The following DSCAM variants were observed in gnomAD, a reference collection of about 807,000 sequenced individuals.
DSCAM encodes the protein cell adhesion molecule DSCAM.
In DSCAM, 47 loss-of-function variants were observed where a neutral mutation model predicts 217.7. The observed-to-expected ratio is 0.22, with a 90% CI of 0.17 to 0.28. The LOEUF (loss-of-function observed/expected upper bound fraction) is 0.28, where lower values mean the gene tolerates loss of function less well. DSCAM is among the 10% of genes least tolerant of loss of function. DSCAM has a pLI of 1.00. For synonymous variants in DSCAM, 1,056 were observed against 1,015.3 expected (o/e 1.04, Z -0.76); for missense variants, 2,080 against 2,618.3 (o/e 0.79, Z 4.49).
At chr21:40,706,075 G>T (rs1478239076) in intron 2 of DSCAM, among the ~76,000 whole-genome samples, 7 of 152,016 alleles carry the variant, frequency 4.6e-5, no homozygotes, top group Admixed American at 2.0e-4. Context: ...CAGCTACTCT[G>T]GAGGCTGGGC....
chr21:40,451,770 A>C (rs1435522824), intron 3 of DSCAM, among the ~76,000 whole-genome samples: 1 of 152,204 alleles, frequency 6.6e-6, no homozygotes, highest in Non-Finnish European at 1.5e-5. Flanking sequence ...TGGATTATTA[A>C]CATCAATGCA....
chr21:40,218,478 C>CT (rs756772959), intron 11 of DSCAM, among the ~76,000 whole-genome samples: 2 of 151,980 alleles, frequency 1.3e-5, no homozygotes, highest in African/African-American at 4.8e-5. Flanking sequence ...CTTTCAGGCC[C>CT]TTTTTTTGGT....
intron 10 of DSCAM, among the ~76,000 whole-genome samples, chr21:40,292,661 T>C (rs756700528): frequency 9.9e-5 from 15 of 152,174 alleles, no homozygotes; most frequent in Non-Finnish European, 1.8e-4. Context: ...ACTCTACTTA[T>C]AGAAATTTAT....
At position 40,093,727 on chromosome 21, in the gene DSCAM, C is replaced by T; in HGVS notation, c.3844G>A (p.Ala1282Thr). The T allele has an allele frequency of 6.2e-7, 1 of 1,613,666 alleles. No homozygotes were observed. The highest frequency in any genetic ancestry group is 8.5e-7 in the Non-Finnish European group (1 of 1,179,838). ...SSEIITVEPL[A>T]KAPARILTFS... ...CCTTATAGCCACTGCCTACCTTTTG[C>T]TAGTGGCTCGACTGTGATGATTTCA... Residue 1282 changes from alanine (A) to threonine (T), a missense_variant, in exon 21 of 33, where the codon GCA becomes ACA. This residue lies in a region of DSCAM where 1,144 missense variants were observed against 1,421.1 expected (regional missense o/e 0.81). Transcript: ENST00000400454.
At position 40,015,818 on chromosome 21, in the gene DSCAM, AG is replaced by A. The variant is rs138651622; in HGVS notation, c.5687-2433del. ...CTCCTTGCAAAGCATGAGCACAATTAGGGCCCAGCCACCAGGTCCACTTTGC... is the reference window on the plus strand; with the variant it reads ...CTCCTTGCAAAGCATGAGCACAATTAGGCCCAGCCACCAGGTCCACTTTGC... On this transcript the variant is annotated intron_variant, in intron 32 of 32. Transcript: ENST00000400454. 3.9e-4 allele frequency among the ~76,000 whole-genome samples: 60 copies of A among 152,310 alleles called. 2 individuals carry two copies. The East Asian group carries it at 0.012, about 29-fold the overall frequency.
chr21:40,227,769 T>A (rs997115853), intron 11 of DSCAM, among the ~76,000 whole-genome samples: 1 of 152,222 alleles, frequency 6.6e-6, no homozygotes, highest in Non-Finnish European at 1.5e-5. Flanking sequence ...CATCTCCACA[T>A]CCAGTTCCTC....
intron 3 of DSCAM, among the ~76,000 whole-genome samples, chr21:40,441,080 T>C (rs1437550949): frequency 7.5e-6 from 1 of 132,858 alleles, no homozygotes; most frequent in Non-Finnish European, 1.6e-5. Context: ...GGACAAGAAA[T>C]GGTAAACCCT....
At chr21:40,671,761 C>T (rs563288686) in intron 3 of DSCAM, among the ~76,000 whole-genome samples, 4 of 145,610 alleles carry the variant, frequency 2.7e-5, no homozygotes, top group African/African-American at 1.0e-4. Context: ...TAAAAATGAA[C>T]TGACATTAGA....
intron 11 of DSCAM, among the ~76,000 whole-genome samples, chr21:40,199,210 G>A (rs916995700): frequency 2.6e-5 from 4 of 152,084 alleles, no homozygotes; most frequent in Admixed American, 6.6e-5. Flanking sequence ...AATACATCAC[G>A]ATTATCTTTC....
At chr21:40,463,769 C>T (rs1359782729) in intron 3 of DSCAM, among the ~76,000 whole-genome samples, 2 of 152,210 alleles carry the variant, frequency 1.3e-5, no homozygotes, top group African/African-American at 4.8e-5. Flanking sequence ...ACATCTGCTT[C>T]CAGCCTCTTT....
intron 3 of DSCAM, among the ~76,000 whole-genome samples, chr21:40,576,658 C>G (rs2076852875): frequency 1.3e-5 from 2 of 151,946 alleles, no homozygotes; most frequent in Admixed American, 1.3e-4. Context: ...AAGACACCTG[C>G]AACATCTAAA....
In DSCAM at chr21:40,846,605, A is replaced by G; in HGVS notation, c.43+14T>C. On this transcript the variant is annotated intron_variant, in intron 1 of 32. Coordinates refer to ENST00000400454, the MANE Select transcript of DSCAM (RefSeq NM_001389.5). ...GATAAGGAAACGAAATTCATCACAAACCGAAAGGCTCACCATTCGCGAAGC... is the reference window on the plus strand; with the variant it reads ...GATAAGGAAACGAAATTCATCACAAGCCGAAAGGCTCACCATTCGCGAAGC... 8.4e-7 allele frequency: 1 copy of G among 1,183,770 alleles called. No homozygotes were observed. The highest frequency in any genetic ancestry group is 1.1e-6 in the Non-Finnish European group (1 of 943,506). The allele number at this position is 1,183,770 out of a possible 1,614,324, so 73.3% of individuals were successfully genotyped here.
At chr21:40,611,002 G>A (rs2089306665) in intron 3 of DSCAM, among the ~76,000 whole-genome samples, 1 of 150,450 alleles carries the variant, frequency 6.6e-6, no homozygotes, top group Non-Finnish European at 1.5e-5. Flanking sequence ...TGTGGTTTCA[G>A]ATTTTCAAAA....
intron 3 of DSCAM, among the ~76,000 whole-genome samples, chr21:40,389,118 G>A (rs1393888357): frequency 1.3e-5 from 2 of 152,134 alleles, no homozygotes; most frequent in Non-Finnish European, 2.9e-5. Context: ...CTCTCTTCTT[G>A]AGAGTACAAA....
chr21:40,207,254 C>A (rs939957172), intron 11 of DSCAM, among the ~76,000 whole-genome samples: 2 of 152,038 alleles, frequency 1.3e-5, no homozygotes, highest in African/African-American at 4.8e-5. Flanking sequence ...TATTAAAATA[C>A]CAAGATATTC....
intron 24 of DSCAM, 82 bp downstream of exon 24, chr21:40,083,826 G>T: frequency 9.2e-7 from 1 of 1,089,670 alleles, no homozygotes; most frequent in Non-Finnish European, 1.3e-6. Flanking sequence ...ACACATACCA[G>T]TCATTTGCTG....
chr21:40,524,038 G>A (rs1281201916), intron 3 of DSCAM, among the ~76,000 whole-genome samples: 1 of 152,154 alleles, frequency 6.6e-6, no homozygotes, highest in African/African-American at 2.4e-5. Flanking sequence ...AGCTTGATTT[G>A]ATGAAAGAAA....
intron 20 of DSCAM, among the ~76,000 whole-genome samples, chr21:40,112,086 T>G (rs1601341607): frequency 2.7e-5 from 4 of 150,324 alleles, no homozygotes; most frequent in Middle Eastern, 3.4e-3. Context: ...TCTACAGAAC[T>G]CTCCACCCCA....
At chr21:40,308,423 C>T (rs2074103495) in intron 9 of DSCAM, among the ~76,000 whole-genome samples, 1 of 152,226 alleles carries the variant, frequency 6.6e-6, no homozygotes, top group Non-Finnish European at 1.5e-5. Context: ...TCCAGCATTC[C>T]CAAGCAATGT....
Sources: gnomAD v4.1 joint callset for allele counts (sites outside exome capture counted in the v4.1 genomes callset) on GRCh38, gnomAD v4.1.1 for gene constraint, gnomAD v4.1.1 regional missense constraint, MANE v1.5 for transcripts, NCBI Gene and HGNC (gene_info 2026-07-23, HGNC 2026-07-21) for gene names.